NOMO1: variants seen among roughly 807,000 people sequenced by gnomAD.
NOMO1 encodes the protein NODAL modulator 1.
Under a neutral mutation model 133.8 loss-of-function variants are expected in NOMO1, and 40 were observed. That is an observed-to-expected ratio of 0.30 (90% CI 0.23 to 0.39). NOMO1 has a LOEUF of 0.39. Ranked by LOEUF, NOMO1 falls within the 10% of genes least tolerant of loss-of-function variation. The probability of loss-of-function intolerance (pLI) is 1.00; values close to 1 mark genes in which losing one functional copy is unlikely to be tolerated. For missense variants in NOMO1, 462 were observed against 1,419.9 expected, an observed-to-expected ratio of 0.33 and a Z score of 10.84; for synonymous variants, 236 against 570.5, an observed-to-expected ratio of 0.41 and a Z score of 8.36.
intron 5 of NOMO1, among the ~76,000 whole-genome samples, chr16:14,847,862 A>G (rs1421841224): frequency 1.3e-5 from 2 of 151,856 alleles, no homozygotes; most frequent in Non-Finnish European, 2.9e-5. Context: ...CTTCTGCTTG[A>G]CTGGTGCCTC....
chr16:14,867,176 ATTTTTTTTT>A (rs1174703237), intron 15 of NOMO1, among the ~76,000 whole-genome samples: 9 of 7,468 alleles, frequency 1.2e-3, no homozygotes, highest in African/African-American at 1.6e-3. Context: ...ATATATATAT[ATTTTTTTTT>A]TTTTTTTTTT....
At chr16:14,851,142 G>C (rs1490937188) in intron 6 of NOMO1, among the ~76,000 whole-genome samples, 3 of 143,418 alleles carry the variant, frequency 2.1e-5, no homozygotes, top group African/African-American at 7.5e-5. Context: ...ATAAATAGAA[G>C]AGATTTTAAG....
intron 27 of NOMO1, among the ~76,000 whole-genome samples, chr16:14,885,519 A>G (rs920579673): frequency 1.4e-4 from 21 of 152,200 alleles, no homozygotes; most frequent in South Asian, 1.0e-3. Flanking sequence ...GTTAAGATGC[A>G]CTTGTAATTT....
intron 9 of NOMO1, 70 bp downstream of exon 9, chr16:14,854,096 ATGTTTT>A: frequency 4.4e-6 from 4 of 916,318 alleles, no homozygotes; most frequent in Admixed American, 2.3e-5. Context: ...TATTGCAAAC[ATGTTTT>A]AAAAAAAAAT....
At chr16:14,842,745 G>T (rs2151892857) in intron 3 of NOMO1, among the ~76,000 whole-genome samples, 1 of 151,094 alleles carries the variant, frequency 6.6e-6, no homozygotes, top group African/African-American at 2.4e-5. Flanking sequence ...AGATCCATTT[G>T]GTCTGTTTTG....
rs1461068074 is a variant in NOMO1 at position 14,838,304 on chromosome 16, G to T, written c.166-103G>T. ...CGTGTTAAAAGCTGGCATATAATAG[G>T]TCCTCAGTGAATGTATACTGACTGA... On this transcript the variant is annotated intron_variant, in intron 1 of 30. Coordinates refer to ENST00000287667, the MANE Select transcript of NOMO1 (RefSeq NM_014287.4). The T allele has an allele frequency of 1.5e-5, 18 of 1,167,248 alleles. No homozygotes were observed. In the Admixed American group the frequency reaches 3.7e-4, roughly 24 times the overall value. 72.3% of individuals were successfully genotyped at this position (1,167,248 alleles called of 1,614,324 possible).
intron 23 of NOMO1, among the ~76,000 whole-genome samples, chr16:14,879,109 C>G (rs1313658979): frequency 6.6e-6 from 1 of 151,942 alleles, no homozygotes; most frequent in Admixed American, 6.6e-5. Flanking sequence ...CGGCTGCTCT[C>G]TTAGGCATCT....
At chr16:14,835,086 AG>A (rs1238234579) in intron 1 of NOMO1, among the ~76,000 whole-genome samples, 1 of 118,350 alleles carries the variant, frequency 8.4e-6, no homozygotes, top group Non-Finnish European at 1.8e-5. Context: ...GGATTGGGGG[AG>A]GGGTAGGGAG....
rs1441902601 is a variant in NOMO1 at position 14,895,045 on chromosome 16, G to A, written c.3492G>A (p.Leu1164=). The A allele has an allele frequency of 2.5e-6, 4 of 1,609,868 alleles. 1 individual carries two copies. The highest frequency in any genetic ancestry group is 2.2e-5 in the South Asian group (2 of 90,764). ...QDIAQGSYIA[L]PLTLLVLLAG... ...TCGCACAAGGATCCTACATTGCCCT[G>A]CCATTGACGCTGCTGGTTCTGCTGG... The change falls in exon 30 of 31, where the codon CTG becomes CTA. Residue 1164 remains leucine, a synonymous_variant. Transcript: ENST00000287667.
chr16:14,887,245 T>C (rs1180058594), intron 28 of NOMO1, among the ~76,000 whole-genome samples: 1 of 152,062 alleles, frequency 6.6e-6, no homozygotes, highest in East Asian at 1.9e-4. Context: ...TTGTAATCCG[T>C]GCTTTTCAAT....
intron 9 of NOMO1, 64 bp from the exon 10 acceptor site, chr16:14,857,153 G>A (rs894682315): frequency 1.2e-6 from 2 of 1,612,670 alleles, no homozygotes; most frequent in Non-Finnish European, 1.7e-6. Flanking sequence ...GCAGCAGAAG[G>A]AGTCTTTGTG....
chr16:14,882,884 G>T (rs1964265420), intron 26 of NOMO1, among the ~76,000 whole-genome samples: 1 of 152,040 alleles, frequency 6.6e-6, no homozygotes, highest in South Asian at 2.1e-4. Context: ...ATCCAGAAAG[G>T]AAATTGGAAC....
intron 2 of NOMO1, among the ~76,000 whole-genome samples, chr16:14,839,789 T>G (rs1479804474): frequency 6.6e-6 from 1 of 151,642 alleles, no homozygotes. Context: ...TCAGCCAGGC[T>G]GGAGTGCAGT....
intron 26 of NOMO1, among the ~76,000 whole-genome samples, 160 bp from the exon 27 acceptor site, chr16:14,884,212 A>G (rs426177): frequency 3.9e-5 from 6 of 152,072 alleles, no homozygotes; most frequent in East Asian, 3.9e-4. Context: ...ATCTTCTGTC[A>G]GTTTGTGACC....
chr16:14,860,222 G>C (rs1963902258), intron 11 of NOMO1, among the ~76,000 whole-genome samples: 1 of 151,854 alleles, frequency 6.6e-6, no homozygotes, highest in African/African-American at 2.4e-5. Flanking sequence ...CAAAAGGTTG[G>C]CGGGGCATGG....
At chr16:14,835,645 A>G (rs1184694190) in intron 1 of NOMO1, among the ~76,000 whole-genome samples, 6 of 151,392 alleles carry the variant, frequency 4.0e-5, no homozygotes, top group East Asian at 1.9e-4. Flanking sequence ...TCATTCTTTC[A>G]TAAGTAATTC....
rs879783465 is a variant in NOMO1, at chr16:14,864,891, A to G, written c.1538-133A>G. On this transcript the variant is annotated intron_variant, in intron 13 of 30. Transcript: ENST00000287667. ...GGGTGCATGTTAGCTTGAAAGAAGC[A>G]CTCCGTCTGCCTCCGGCCACTGCCT... 2,332 of 1,107,036 alleles carry G rather than the reference A, an allele frequency of 2.1e-3. 14 individuals are homozygous for G. Among genetic ancestry groups the G allele is most frequent in the Middle Eastern group, 3.1e-3 (10 of 3,264 alleles). 68.6% of individuals were successfully genotyped at this position (1,107,036 alleles called of 1,614,324 possible). A position where few individuals can be genotyped will look rare whatever the true frequency, so the allele number is the denominator to read the frequency against.
In NOMO1 at chr16:14,871,601, T is replaced by C; in HGVS notation, c.1895-20T>C. On this transcript the variant is annotated intron_variant, in intron 16 of 30. Coordinates refer to ENST00000287667, the MANE Select transcript of NOMO1 (RefSeq NM_014287.4). ...ATAGATGCCATTCTCTGAAAATTAC[T>C]TTTGATTTCCTGTCTGTAGGTGTGT... 1 of 1,611,096 alleles carries C rather than the reference T, an allele frequency of 6.2e-7. No individual in the cohort carries two copies. Among genetic ancestry groups the C allele is most frequent in the South Asian group, 1.1e-5 (1 of 90,894 alleles).
At position 14,879,963 on chromosome 16, in the gene NOMO1, T is replaced by C. The variant is rs552303266; in HGVS notation, c.2758-52T>C. ...CCATCGTGACATTCGCCCCTCACTT[T>C]TAAGCCATGCCTAGATGTGGCTGCT... On this transcript the variant is annotated intron_variant, in intron 23 of 30. Coordinates refer to ENST00000287667, the MANE Select transcript of NOMO1 (RefSeq NM_014287.4). 1.5e-5 allele frequency: 24 copies of C among 1,611,470 alleles called. No homozygotes were observed. The African/African-American group carries it at 2.7e-4, about 18-fold the overall frequency.
Sources: gnomAD v4.1 joint callset for allele counts (sites outside exome capture counted in the v4.1 genomes callset) on GRCh38, gnomAD v4.1.1 for gene constraint, MANE v1.5 for transcripts, NCBI Gene and HGNC (gene_info 2026-07-23, HGNC 2026-07-21) for gene names.